The following IRAG1 variants were observed in gnomAD, a reference collection of about 807,000 sequenced individuals.
IRAG1 encodes inositol 1,4,5-triphosphate receptor associated 1.
In IRAG1, 62 loss-of-function variants were observed where a neutral mutation model predicts 106.2. The ratio of observed to expected loss-of-function variants is 0.58; its 90% confidence interval spans 0.48 to 0.72. The LOEUF is 0.72. Ranked by LOEUF, IRAG1 falls within the 30% of genes least tolerant of loss-of-function variation. The probability of loss-of-function intolerance (pLI) is 0.00; values close to 1 mark genes in which losing one functional copy is unlikely to be tolerated. For missense variants in IRAG1, 1,064 were observed against 1,140.7 expected (o/e 0.93, Z 0.97); for synonymous variants, 462 against 443.9 (o/e 1.04, Z -0.51).
Position 10,669,945 on chromosome 11 carries a change from T to C in IRAG1, c.68-17763A>G, listed in dbSNP as rs375450491. Among the ~76,000 whole-genome samples the C allele has an allele frequency of 9.9e-5, 15 of 152,284 alleles. No individual in the cohort carries two copies. In the South Asian group the frequency reaches 2.5e-3, roughly 25 times the overall value. On this transcript the variant is annotated intron_variant, in intron 1 of 20. Coordinates refer to ENST00000423302, the MANE Select transcript of IRAG1 (RefSeq NM_130385.4). Reference sequence around the variant, plus strand: ...AGAGGCCAAGAGAGTTAAAAATAAATGCTGAAAAAGAGAGCAGAGGAAAGA... The same window carrying C: ...AGAGGCCAAGAGAGTTAAAAATAAACGCTGAAAAAGAGAGCAGAGGAAAGA...
chr11:10,623,977 G>T (rs1856033668), intron 9 of IRAG1, 121 bp from the exon 10 acceptor site: 1 of 854,760 alleles, frequency 1.2e-6, no homozygotes, highest in Admixed American at 2.0e-5. Flanking sequence ...CAGCCTGAGA[G>T]GTGGGTGGGC....
chr11:10,674,904 C>A, intron 1 of IRAG1, among the ~76,000 whole-genome samples: 1 of 152,190 alleles, frequency 6.6e-6, no homozygotes, highest in East Asian at 1.9e-4. Flanking sequence ...CTGAAATAGC[C>A]CCAAGTCACA....
chr11:10,680,528 G>GAAGAAAGGAAGAAAGGAAGA (rs1474518285), intron 1 of IRAG1, among the ~76,000 whole-genome samples: 14 of 136,736 alleles, frequency 1.0e-4, no homozygotes, highest in African/African-American at 4.0e-4. Flanking sequence ...AGGAAGAAAG[G>GAAGAAAGGAAGAAAGGAAGA]AAGGAAGGAA....
intron 18 of IRAG1, among the ~76,000 whole-genome samples, chr11:10,587,741 G>A (rs1013833460): frequency 2.0e-5 from 3 of 152,080 alleles, no homozygotes; most frequent in South Asian, 2.1e-4. Flanking sequence ...CTCTCACCCC[G>A]ACTCTGTTCT....
chr11:10,642,810 A>G (rs1349833067), intron 2 of IRAG1, among the ~76,000 whole-genome samples: 5 of 152,178 alleles, frequency 3.3e-5, no homozygotes, highest in Non-Finnish European at 1.5e-5. Flanking sequence ...GCAAACAGGG[A>G]CTGCCTTGGT....
At chr11:10,673,530 G>A (rs1860417448) in intron 1 of IRAG1, among the ~76,000 whole-genome samples, 1 of 152,052 alleles carries the variant, frequency 6.6e-6, no homozygotes, top group Non-Finnish European at 1.5e-5. Flanking sequence ...TAATAAGTGT[G>A]GGGTTTCTTT....
chr11:10,587,126 T>TG (rs1852100843), intron 18 of IRAG1, among the ~76,000 whole-genome samples: 1 of 152,212 alleles, frequency 6.6e-6, no homozygotes, highest in Admixed American at 6.5e-5. Context: ...GCTTTCTTTC[T>TG]GGGATGATTC....
At chr11:10,579,074 G>A (rs750547760) in intron 20 of IRAG1, among the ~76,000 whole-genome samples, 1 of 152,210 alleles carries the variant, frequency 6.6e-6, no homozygotes, top group African/African-American at 2.4e-5. Flanking sequence ...GCTTGGAGTA[G>A]GGATTGCACT....
intron 1 of IRAG1, among the ~76,000 whole-genome samples, chr11:10,680,843 G>A (rs1861197414): frequency 6.6e-6 from 1 of 152,068 alleles, no homozygotes; most frequent in African/African-American, 2.4e-5. Context: ...ATTCTAATAA[G>A]GTCCTTGGGG....
At chr11:10,677,997 C>G (rs189052162) in intron 1 of IRAG1, among the ~76,000 whole-genome samples, 120 of 143,052 alleles carry the variant, frequency 8.4e-4, no homozygotes, top group Non-Finnish European at 1.5e-3. Flanking sequence ...CCATCATTAT[C>G]TATCTCTCTA....
At chr11:10,681,119 G>A (rs545653219) in intron 1 of IRAG1, among the ~76,000 whole-genome samples, 1 of 152,100 alleles carries the variant, frequency 6.6e-6, no homozygotes, top group Non-Finnish European at 1.5e-5. Flanking sequence ...AAATTCTGGT[G>A]CCTATGAGTT....
chr11:10,673,151 C>T (rs971200314), intron 1 of IRAG1, among the ~76,000 whole-genome samples: 7 of 152,038 alleles, frequency 4.6e-5, no homozygotes, highest in African/African-American at 1.7e-4. Flanking sequence ...GGCTTGGTGC[C>T]GTGCGCCTGT....
At position 10,615,631 on chromosome 11, in the gene IRAG1, A is replaced by G. The variant is rs1253390609; in HGVS notation, c.1448-5780T>C. Among the ~76,000 whole-genome samples the G allele has an allele frequency of 6.6e-5, 10 of 152,270 alleles. No individual in the cohort carries two copies. In the South Asian group the frequency reaches 1.9e-3, roughly 28 times the overall value. ...AAAAGGATGAGTTCATGTCCTTTGT[A>G]GGGACATGGATGAAGCTGGAAACCA... On this transcript the variant is annotated intron_variant, in intron 10 of 20. Transcript: ENST00000423302.
intron 18 of IRAG1, among the ~76,000 whole-genome samples, chr11:10,589,985 C>T (rs891735660): frequency 1.3e-5 from 2 of 152,176 alleles, no homozygotes; most frequent in Non-Finnish European, 2.9e-5. Flanking sequence ...GATTAAGAGT[C>T]TGTTGAAGAG....
chr11:10,635,211 C>T (rs1483907869), intron 2 of IRAG1, among the ~76,000 whole-genome samples: 1 of 152,208 alleles, frequency 6.6e-6, no homozygotes, highest in Non-Finnish European at 1.5e-5. Flanking sequence ...AGAAGACTCT[C>T]CTGGGGTTTT....
chr11:10,680,404 G>GGAAGGAAAGAAAGGAAA (rs71034778), intron 1 of IRAG1, among the ~76,000 whole-genome samples: 16,388 of 81,010 alleles, frequency 0.2, 1,983 homozygotes, highest in Non-Finnish European at 0.22. Context: ...AAGGAAGGAA[G>GGAAGGAAAGAAAGGAAA]GAAAGAAAGG....
rs1390981146 is a variant in IRAG1 at position 10,627,998 on chromosome 11, G to T, written c.680C>A (p.Ser227Tyr). ...PGLDVCSGPP[S>Y]PLPGAPPQKG... ...CTGTGGTGGTGCTCCAGGCAGAGGGGATGGCGGGCCACTGCACACATCCAA... is the reference window on the plus strand; with the variant it reads ...CTGTGGTGGTGCTCCAGGCAGAGGGTATGGCGGGCCACTGCACACATCCAA... Residue 227 changes from serine to tyrosine, a missense_variant, in exon 7 of 21, where the codon TCC becomes TAC. Ser to Tyr is a moderately radical substitution (Grantham distance 144). Coordinates refer to ENST00000423302, the MANE Select transcript of IRAG1 (RefSeq NM_130385.4). 2 of 1,611,632 alleles carry T rather than the reference G, an allele frequency of 1.2e-6. No individual in the cohort carries two copies. The highest frequency in any genetic ancestry group is 2.7e-5 in the African/African-American group (2 of 75,012).
intron 16 of IRAG1, 125 bp from the exon 17 acceptor site, chr11:10,593,724 G>T: frequency 1.3e-6 from 1 of 754,002 alleles, no homozygotes; most frequent in Non-Finnish European, 2.1e-6. Flanking sequence ...TTTTGGTTTT[G>T]CAGTAGCAAT....
At chr11:10,629,935 C>T (rs1856559093) in intron 4 of IRAG1, 1 of 498,550 alleles carries the variant, frequency 2.0e-6, no homozygotes, top group African/African-American at 1.9e-5. Context: ...ACAAATGGTC[C>T]TGGAGCCATC....
Sources: allele counts gnomAD v4.1 joint callset (sites outside exome capture counted in the v4.1 genomes callset), GRCh38; gene constraint gnomAD v4.1.1; transcripts MANE v1.5; gene names NCBI Gene and HGNC (gene_info 2026-07-23, HGNC 2026-07-21).